The following CDH18 variants were observed in gnomAD, a reference collection of about 807,000 sequenced individuals.
CDH18 encodes cadherin 18.
Under a neutral mutation model 67.9 loss-of-function variants are expected in CDH18, and 31 were observed. The observed-to-expected ratio is 0.46, with a 90% CI of 0.34 to 0.62. CDH18 has a LOEUF of 0.62. Ranked by LOEUF, CDH18 falls within the 20% of genes least tolerant of loss-of-function variation. The pLI, the probability that CDH18 is intolerant of heterozygous loss-of-function variation, is 0.01. For missense variants in CDH18, 890 were observed against 975.5 expected, an observed-to-expected ratio of 0.91 and a Z score of 1.17; for synonymous variants, 362 against 347.2, an observed-to-expected ratio of 1.04 and a Z score of -0.48.
chr5:20,116,680 A>T (rs1747940207), intron 2 of CDH18, among the ~76,000 whole-genome samples: 1 of 152,166 alleles, frequency 6.6e-6, no homozygotes, highest in African/African-American at 2.4e-5. Context: ...ATTGCCTAAA[A>T]CTTAGCAGTG....
intron 1 of CDH18, among the ~76,000 whole-genome samples, chr5:20,274,721 T>C (rs1275297223): frequency 6.6e-6 from 1 of 152,182 alleles, no homozygotes; most frequent in Non-Finnish European, 1.5e-5. Flanking sequence ...ACCAATTAAA[T>C]GAATTCCACT....
rs76940106 is a variant in CDH18 at position 20,036,534 on chromosome 5, C to T, written c.-517-44520G>A. On this transcript the variant is annotated intron_variant, in intron 2 of 14. Transcript: ENST00000507958. ...CCTCTAAGGTATGTCACATTGTTTG[C>T]AGTTGTCCACAAAAATGCACACAAG... Among the ~76,000 whole-genome samples, 3,388 of 152,064 alleles carry T rather than the reference C, an allele frequency of 0.022. 186 individuals are homozygous for T. The East Asian group carries it at 0.25, about 11-fold the overall frequency.
chr5:19,780,616 C>T (rs888932821), intron 3 of CDH18, among the ~76,000 whole-genome samples: 1 of 152,142 alleles, frequency 6.6e-6, no homozygotes, highest in Non-Finnish European at 1.5e-5. Flanking sequence ...AGCAGAACAT[C>T]ACAGCCTGGT....
intron 8 of CDH18, among the ~76,000 whole-genome samples, chr5:19,554,508 C>A (rs958126023): frequency 6.6e-6 from 1 of 151,916 alleles, no homozygotes; most frequent in Non-Finnish European, 1.5e-5. Flanking sequence ...CAAGATCACA[C>A]CACTGCAGTC....
chr5:19,759,843 T>G (rs1581225723), intron 3 of CDH18, among the ~76,000 whole-genome samples: 2 of 152,244 alleles, frequency 1.3e-5, no homozygotes. Context: ...GGACCTCGCC[T>G]CTCCTTCACT....
intron 5 of CDH18, among the ~76,000 whole-genome samples, chr5:19,710,712 AAAT>A (rs1318219333): frequency 3.3e-5 from 5 of 152,072 alleles, no homozygotes; most frequent in Admixed American, 2.0e-4. Flanking sequence ...ATTTATTTAA[AAAT>A]AATAATCCAC....
At chr5:19,561,395 CA>C (rs1452609867) in intron 8 of CDH18, among the ~76,000 whole-genome samples, 3 of 151,996 alleles carry the variant, frequency 2.0e-5, no homozygotes, top group Non-Finnish European at 4.4e-5. Context: ...ATTCTAAGTT[CA>C]ATAACTCGGG....
At chr5:19,490,397 T>G (rs73051530) in intron 11 of CDH18, among the ~76,000 whole-genome samples, 7,533 of 64,482 alleles carry the variant, frequency 0.12, 407 homozygotes, top group South Asian at 0.24. Flanking sequence ...AAAATCTGTT[T>G]TTTTTTTTTT....
chr5:20,307,545 AAAG>A (rs761698525), intron 1 of CDH18, among the ~76,000 whole-genome samples: 4 of 152,210 alleles, frequency 2.6e-5, no homozygotes, highest in Non-Finnish European at 5.9e-5. Context: ...CACATGTTAA[AAAG>A]AAGAAGCAGT....
intron 1 of CDH18, among the ~76,000 whole-genome samples, chr5:20,463,291 T>C (rs1483836285): frequency 1.3e-5 from 2 of 151,042 alleles, no homozygotes; most frequent in Non-Finnish European, 1.5e-5. Flanking sequence ...AGGCTGAGAT[T>C]AGTAAAACAA....
chr5:20,243,753 A>G (rs1743165853), intron 2 of CDH18, among the ~76,000 whole-genome samples: 1 of 152,284 alleles, frequency 6.6e-6, no homozygotes, highest in African/African-American at 2.4e-5. Context: ...TGAAAAAAAT[A>G]CATTACAATA....
At chr5:19,728,266 A>C (rs1767122487) in intron 4 of CDH18, among the ~76,000 whole-genome samples, 2 of 152,176 alleles carry the variant, frequency 1.3e-5, no homozygotes, top group African/African-American at 4.8e-5. Flanking sequence ...TTAAATTTTG[A>C]AACTGTTTCC....
At chr5:20,242,634 GTATA>G (rs143436887) in intron 2 of CDH18, among the ~76,000 whole-genome samples, 41 of 85,732 alleles carry the variant, frequency 4.8e-4, no homozygotes, top group South Asian at 1.0e-3. Context: ...ATATATATAT[GTATA>G]TATATATATA....
intron 1 of CDH18, among the ~76,000 whole-genome samples, chr5:20,355,585 TC>T (rs1473182349): frequency 2.0e-5 from 3 of 152,322 alleles, no homozygotes; most frequent in Non-Finnish European, 4.4e-5. Flanking sequence ...TGTATATTGC[TC>T]ATTAATTAGG....
Position 20,043,688 on chromosome 5 carries a change from A to C in CDH18, c.-517-51674T>G, listed in dbSNP as rs1740650209. Among the ~76,000 whole-genome samples the C allele has an allele frequency of 2.0e-5, 3 of 152,320 alleles. No individual in the cohort carries two copies. The South Asian group carries it at 6.2e-4, about 32-fold the overall frequency. On this transcript the variant is annotated intron_variant, in intron 2 of 14. Transcript: ENST00000507958. ...TCAAAAGTCCATTTGCCTATAAAGC[A>C]ATTGAAGTCTGTAAATAGCAATATC...
intron 2 of CDH18, among the ~76,000 whole-genome samples, chr5:20,006,184 A>G (rs1736888484): frequency 6.6e-6 from 1 of 151,936 alleles, no homozygotes; most frequent in African/African-American, 2.4e-5. Context: ...TGGAGAAATC[A>G]AAGAGAAATT....
Position 19,546,772 on chromosome 5 carries a change from G to C in CDH18, c.1254-2767C>G, listed in dbSNP as rs1272972157. On this transcript the variant is annotated intron_variant, in intron 8 of 12. Coordinates refer to ENST00000382275, the MANE Select transcript of CDH18 (RefSeq NM_004934.5). ...CAGAAGATATTAATAGCAGCATGGA[G>C]AATGAAACTACAGAGCAAGGAGCAT... Among the ~76,000 whole-genome samples the C allele has an allele frequency of 3.3e-5, 5 of 152,204 alleles. No homozygotes were observed. The South Asian group carries it at 6.2e-4, about 19-fold the overall frequency.
At chr5:19,893,571 ATT>A (rs1167685399) in intron 2 of CDH18, among the ~76,000 whole-genome samples, 2 of 151,848 alleles carry the variant, frequency 1.3e-5, no homozygotes, top group African/African-American at 4.8e-5. Context: ...ACATACATTC[ATT>A]TTCTCTCTCT....
At chr5:20,257,008 C>T (rs1048532053) in intron 1 of CDH18, among the ~76,000 whole-genome samples, 3 of 149,192 alleles carry the variant, frequency 2.0e-5, no homozygotes, top group African/African-American at 5.0e-5. Context: ...ATCTATCTAT[C>T]ATCATCATCC....
Sources: allele counts gnomAD v4.1 joint callset (sites outside exome capture counted in the v4.1 genomes callset), GRCh38; gene constraint gnomAD v4.1.1; transcripts MANE v1.5; gene names NCBI Gene and HGNC (gene_info 2026-07-23, HGNC 2026-07-21).